The following CEP70 variants were observed in gnomAD, a reference collection of about 807,000 sequenced individuals.
CEP70 encodes centrosomal protein 70.
Under a neutral mutation model 90.9 loss-of-function variants are expected in CEP70, and 70 were observed. The observed-to-expected ratio is 0.77, with a 90% confidence interval of 0.64 to 0.94. The LOEUF (loss-of-function observed/expected upper bound fraction) is 0.94. Ranked by LOEUF, CEP70 falls within the 40% of genes least tolerant of loss-of-function variation. The probability of loss-of-function intolerance (pLI) is 0.00; values close to 1 mark genes in which losing one functional copy is unlikely to be tolerated. For missense variants in CEP70, 648 were observed against 669.0 expected (o/e 0.97, Z 0.35); for synonymous variants, 220 against 228.3 (o/e 0.96, Z 0.33).
At chr3:138,510,276 T>C (rs13101081) in intron 11 of CEP70, among the ~76,000 whole-genome samples, 61,709 of 149,372 alleles carry the variant, frequency 0.41, 13,166 homozygotes, top group Non-Finnish European at 0.46. Context: ...GAAAAACAAA[T>C]ACAAAACTTA....
chr3:138,566,404 A>G (rs936972109), intron 6 of CEP70, among the ~76,000 whole-genome samples: 2 of 152,250 alleles, frequency 1.3e-5, no homozygotes, highest in Admixed American at 6.5e-5. Context: ...TATTCATGAC[A>G]GCAAAAACTT....
chr3:138,517,430 G>A (rs1290106797), intron 11 of CEP70, among the ~76,000 whole-genome samples: 2 of 152,152 alleles, frequency 1.3e-5, no homozygotes, highest in Admixed American at 6.5e-5. Flanking sequence ...AGCACTTTGG[G>A]AGGCAGAGGC....
At chr3:138,579,909 G>A (rs2041762206) in intron 2 of CEP70, among the ~76,000 whole-genome samples, 1 of 152,016 alleles carries the variant, frequency 6.6e-6, no homozygotes, top group Admixed American at 6.6e-5. Flanking sequence ...CATTAAGAAA[G>A]CTCTTGGGGT....
chr3:138,576,562 G>C (rs1370087808), intron 2 of CEP70, among the ~76,000 whole-genome samples: 1 of 152,116 alleles, frequency 6.6e-6, no homozygotes, highest in Non-Finnish European at 1.5e-5. Flanking sequence ...AGGTTAACAA[G>C]GATATCCAGG....
In CEP70 at chr3:138,532,499, C is replaced by T. The variant is rs769827885; in HGVS notation, c.692+15G>A. The T allele has an allele frequency of 6.7e-7, 1 of 1,488,126 alleles. No individual in the cohort carries two copies. Among genetic ancestry groups the T allele is most frequent in the Non-Finnish European group, 8.9e-7 (1 of 1,118,558 alleles). 92.2% of individuals were successfully genotyped at this position (1,488,126 alleles called of 1,614,324 possible). On this transcript the variant is annotated intron_variant, in intron 8 of 17. Transcript: ENST00000264982. ...ATTAAAACCTTTAAAAACTGTAATA[C>T]AGGATTACTCGTACCTTTGTGTATG...
At chr3:138,537,834 A>C (rs2038414364) in intron 6 of CEP70, among the ~76,000 whole-genome samples, 1 of 152,188 alleles carries the variant, frequency 6.6e-6, no homozygotes, top group Non-Finnish European at 1.5e-5. Flanking sequence ...GCAAAGTTGA[A>C]GCAATCTGGC....
chr3:138,503,194 C>T (rs1346388163), intron 13 of CEP70, among the ~76,000 whole-genome samples: 1 of 152,112 alleles, frequency 6.6e-6, no homozygotes, highest in Admixed American at 6.6e-5. Context: ...CCATTTCCCT[C>T]CTCCCTCTAG....
chr3:138,544,265 A>G (rs969834265), intron 6 of CEP70, among the ~76,000 whole-genome samples: 5 of 152,262 alleles, frequency 3.3e-5, no homozygotes, highest in South Asian at 2.1e-4. Context: ...AAAAGAAGAA[A>G]ATCACTTGAC....
intron 17 of CEP70, among the ~76,000 whole-genome samples, chr3:138,495,293 T>C (rs187899181): frequency 6.6e-6 from 1 of 152,328 alleles, no homozygotes; most frequent in East Asian, 1.9e-4. Context: ...AGTTACCACA[T>C]ACCCACAAGT....
At chr3:138,516,027 C>A (rs1161270309) in intron 11 of CEP70, among the ~76,000 whole-genome samples, 1 of 152,210 alleles carries the variant, frequency 6.6e-6, no homozygotes, top group African/African-American at 2.4e-5. Flanking sequence ...CCAAATACTT[C>A]TCATCACCTC....
intron 2 of CEP70, among the ~76,000 whole-genome samples, chr3:138,589,060 G>A (rs2042246123): frequency 6.6e-6 from 1 of 152,184 alleles, no homozygotes; most frequent in African/African-American, 2.4e-5. Context: ...GAGAGAATTG[G>A]AGGCTAGACA....
intron 6 of CEP70, among the ~76,000 whole-genome samples, chr3:138,558,843 A>G (rs2108025141): frequency 6.6e-6 from 1 of 152,286 alleles, no homozygotes; most frequent in Non-Finnish European, 1.5e-5. Context: ...ATAAAAGGAA[A>G]CCTACAAAAA....
chr3:138,500,990 A>T, intron 13 of CEP70, 109 bp from the exon 14 acceptor site: 1 of 385,494 alleles, frequency 2.6e-6, no homozygotes, highest in Non-Finnish European at 4.2e-6. Context: ...TATGTTTTAT[A>T]AAATTAATAA....
rs2037135969 is a variant in CEP70, at chr3:138,525,496, T to C, written c.938A>G (p.Asn313Ser). The change falls in exon 11 of 18, where the codon AAC (asparagine) becomes AGC (serine). Residue 313 changes from asparagine (N) to serine (S), a missense_variant. Asn to Ser is a conservative substitution (Grantham distance 46, BLOSUM62 1). Transcript: ENST00000264982. The part of the protein sequence containing the change: ...VKKLEKALKK[N>S]VKLQELINHK... ...TTGGTAAAAATATAATTACTTGACG[T>C]TTTTCTTAAGGGCTTTTTCCAGCTT... 7.2e-7 allele frequency: 1 copy of C among 1,391,092 alleles called. No homozygotes were observed. 86.2% of individuals were successfully genotyped at this position (1,391,092 alleles called of 1,614,324 possible).
chr3:138,526,170 G>GC (rs2037225676), intron 10 of CEP70, among the ~76,000 whole-genome samples: 1 of 151,232 alleles, frequency 6.6e-6, no homozygotes, highest in Non-Finnish European at 1.5e-5. Flanking sequence ...GTTGTTTTTT[G>GC]TTTTTTTTGA....
intron 16 of CEP70, among the ~76,000 whole-genome samples, chr3:138,498,454 C>T (rs1350724645): frequency 6.6e-6 from 1 of 151,454 alleles, no homozygotes; most frequent in African/African-American, 2.4e-5. Context: ...TCTCCTGCCT[C>T]AGCCTCTCGA....
At position 138,571,073 on chromosome 3, in the gene CEP70, TTC is replaced by T. The variant is rs1484250266; in HGVS notation, c.243_244del (p.Asn82HisfsTer9). On this transcript the variant is annotated frameshift_variant, in exon 5 of 18. Transcript: ENST00000264982. LOFTEE classifies it high-confidence loss of function. ...AGTTTCTATAAGCTCCTGTATCATG[TTC>T]TGTTGACATGATGTTTCTTCCACCA... 6.2e-7 allele frequency: 1 copy of T among 1,607,990 alleles called. No homozygotes were observed. The highest frequency in any genetic ancestry group is 8.5e-7 in the Non-Finnish European group (1 of 1,176,606).
chr3:138,525,012 C>T (rs2037064513), intron 11 of CEP70, among the ~76,000 whole-genome samples: 1 of 152,148 alleles, frequency 6.6e-6, no homozygotes, highest in Non-Finnish European at 1.5e-5. Flanking sequence ...TTAGAACCAA[C>T]CCAAATGTCC....
chr3:138,560,875 G>A (rs976249065), intron 6 of CEP70, among the ~76,000 whole-genome samples: 8 of 152,144 alleles, frequency 5.3e-5, no homozygotes, highest in African/African-American at 1.9e-4. Flanking sequence ...CCCAGTCAGG[G>A]GCTTAGAGAT....
Sources: allele counts gnomAD v4.1 joint callset (sites outside exome capture counted in the v4.1 genomes callset), GRCh38; gene constraint gnomAD v4.1.1; transcripts MANE v1.5; gene names NCBI Gene and HGNC (gene_info 2026-07-23, HGNC 2026-07-21).